The following SLC8A3 variants were observed in gnomAD, a reference collection of about 807,000 sequenced individuals.
SLC8A3 encodes solute carrier family 8 member A3.
A neutral mutation model predicts 65.4 loss-of-function variants in SLC8A3; 37 were observed. That is an observed-to-expected ratio of 0.57 (90% CI 0.44 to 0.74). The LOEUF (loss-of-function observed/expected upper bound fraction) is 0.74. SLC8A3 is among the 30% of genes least tolerant of loss of function. SLC8A3 has a pLI of 0.00. For missense variants in SLC8A3, 1,112 were observed against 1,172.1 expected (o/e 0.95, Z 0.75); for synonymous variants, 461 against 444.5 (o/e 1.04, Z -0.47).
At chr14:70,121,822 A>ATT (rs34718038) in intron 2 of SLC8A3, among the ~76,000 whole-genome samples, 20 of 150,290 alleles carry the variant, frequency 1.3e-4, no homozygotes, top group Admixed American at 9.9e-4. Flanking sequence ...AAAATTTTAC[A>ATT]TTTTTTTTTC....
intron 2 of SLC8A3, among the ~76,000 whole-genome samples, chr14:70,133,113 G>A (rs1293382057): frequency 1.4e-5 from 2 of 147,798 alleles, no homozygotes; most frequent in African/African-American, 5.0e-5. Context: ...TAAAGTAAAG[G>A]AGTACTTCCT....
intron 2 of SLC8A3, among the ~76,000 whole-genome samples, chr14:70,094,633 G>C (rs1271648695): frequency 6.6e-6 from 1 of 152,222 alleles, no homozygotes; most frequent in African/African-American, 2.4e-5. Context: ...CCAGCATGGG[G>C]ACATTGAGGG....
intron 2 of SLC8A3, among the ~76,000 whole-genome samples, chr14:70,097,718 A>T (rs921204420): frequency 6.6e-6 from 1 of 152,168 alleles, no homozygotes; most frequent in Admixed American, 6.5e-5. Flanking sequence ...CTTGTAATAC[A>T]AGAACACAAC....
intron 2 of SLC8A3, among the ~76,000 whole-genome samples, chr14:70,072,220 C>T (rs2139922562): frequency 6.6e-6 from 1 of 152,280 alleles, no homozygotes; most frequent in South Asian, 2.1e-4. Flanking sequence ...CCTAATTACC[C>T]ACTTTCCCAG....
chr14:70,119,015 C>A (rs569228917), intron 2 of SLC8A3, among the ~76,000 whole-genome samples: 3 of 152,092 alleles, frequency 2.0e-5, no homozygotes, highest in Non-Finnish European at 2.9e-5. Context: ...ACCTCGAGCC[C>A]CTCAAGAGCA....
intron 2 of SLC8A3, among the ~76,000 whole-genome samples, chr14:70,164,987 T>C (rs988659624): frequency 1.1e-4 from 16 of 152,338 alleles, no homozygotes; most frequent in African/African-American, 3.6e-4. Flanking sequence ...AGAGCTCTAA[T>C]AAATCAATTT....
chr14:70,081,564 C>T (rs772822611), intron 2 of SLC8A3, among the ~76,000 whole-genome samples: 1 of 152,280 alleles, frequency 6.6e-6, no homozygotes, highest in African/African-American at 2.4e-5. Flanking sequence ...TCCCTGGGCT[C>T]TAGGCTATGT....
At chr14:70,078,133 T>C (rs1890705565) in intron 2 of SLC8A3, among the ~76,000 whole-genome samples, 1 of 152,210 alleles carries the variant, frequency 6.6e-6, no homozygotes, top group Non-Finnish European at 1.5e-5. Flanking sequence ...TCAGGGCAGG[T>C]AAGAGTCAGG....
intron 2 of SLC8A3, among the ~76,000 whole-genome samples, chr14:70,081,794 G>A (rs140950999): frequency 3.5e-4 from 54 of 152,342 alleles, no homozygotes; most frequent in African/African-American, 1.3e-3. Flanking sequence ...GAAGGTTTGG[G>A]AAAATCTGCA....
At chr14:70,049,449 C>A (rs1346831100) in intron 5 of SLC8A3, among the ~76,000 whole-genome samples, 1 of 152,098 alleles carries the variant, frequency 6.6e-6, no homozygotes, top group African/African-American at 2.4e-5. Context: ...CACATGGACA[C>A]AGGGAGAGGA....
intron 2 of SLC8A3, 104 bp downstream of exon 2, chr14:70,166,535 T>G (rs754270488): frequency 1.7e-4 from 120 of 725,436 alleles, no homozygotes; most frequent in Non-Finnish European, 2.7e-4. Context: ...AAGTTTGACA[T>G]TAACACAAAC....
intron 2 of SLC8A3, among the ~76,000 whole-genome samples, chr14:70,080,644 A>G (rs1012485638): frequency 3.9e-5 from 6 of 152,198 alleles, no homozygotes; most frequent in African/African-American, 9.6e-5. Flanking sequence ...TCACAGGAAG[A>G]AAGTCCCATC....
At chr14:70,159,719 C>T (rs1344956391) in intron 2 of SLC8A3, among the ~76,000 whole-genome samples, 2 of 152,206 alleles carry the variant, frequency 1.3e-5, no homozygotes, top group African/African-American at 4.8e-5. Context: ...AAGCTACGCC[C>T]ATGGCAGGAT....
chr14:70,162,746 TA>T (rs1380239480), intron 2 of SLC8A3, among the ~76,000 whole-genome samples: 14 of 152,342 alleles, frequency 9.2e-5, no homozygotes, highest in Admixed American at 9.1e-4. Context: ...AAGAAGTGAC[TA>T]TAGTGATGGT....
chr14:70,126,458 C>T (rs1051402406), intron 2 of SLC8A3, among the ~76,000 whole-genome samples: 1 of 151,816 alleles, frequency 6.6e-6, no homozygotes, highest in Admixed American at 6.6e-5. Context: ...CCTTTATTTG[C>T]TTAGAACTAC....
At chr14:70,050,507 C>A (rs1339261100) in intron 5 of SLC8A3, among the ~76,000 whole-genome samples, 1 of 152,118 alleles carries the variant, frequency 6.6e-6, no homozygotes, top group Non-Finnish European at 1.5e-5. Context: ...ACTGAGGGAG[C>A]CTGTCAGTAA....
intron 2 of SLC8A3, among the ~76,000 whole-genome samples, chr14:70,139,647 C>T (rs1020152281): frequency 3.3e-5 from 5 of 152,126 alleles, no homozygotes; most frequent in African/African-American, 1.2e-4. Flanking sequence ...CTAGGGGTTC[C>T]CATGGCTCCC....
intron 2 of SLC8A3, among the ~76,000 whole-genome samples, chr14:70,141,147 C>G (rs1227456449): frequency 1.3e-5 from 2 of 152,220 alleles, no homozygotes; most frequent in Non-Finnish European, 2.9e-5. Context: ...AATGCATTCT[C>G]TCACAGACTC....
intron 1 of SLC8A3, among the ~76,000 whole-genome samples, chr14:70,185,983 A>T (rs1401665543): frequency 6.6e-6 from 1 of 152,168 alleles, no homozygotes; most frequent in Non-Finnish European, 1.5e-5. Flanking sequence ...TTGGAGTCCA[A>T]TGGACTCCAC....
Sources: gnomAD v4.1 joint callset for allele counts (sites outside exome capture counted in the v4.1 genomes callset) on GRCh38, gnomAD v4.1.1 for gene constraint, MANE v1.5 for transcripts, NCBI Gene and HGNC (gene_info 2026-07-23, HGNC 2026-07-21) for gene names.